The following SLC39A10 variants were observed in gnomAD, a reference collection of about 807,000 sequenced individuals.
SLC39A10 encodes zinc transporter ZIP10.
In SLC39A10, 13 loss-of-function variants were observed where a neutral mutation model predicts 65.1. The observed-to-expected ratio is 0.20, with a 90% CI of 0.13 to 0.32. The LOEUF (loss-of-function observed/expected upper bound fraction) is 0.32. SLC39A10 is among the 10% of genes least tolerant of loss of function. The pLI is 1.00. For missense variants in SLC39A10, 831 were observed against 1,018.4 expected (o/e 0.82, Z 2.50); for synonymous variants, 321 against 342.2 (o/e 0.94, Z 0.68).
Position 195,637,748 on chromosome 2 carries a change from G to A in SLC39A10, c.-12+31515G>A, listed in dbSNP as rs185374552. The stretch of plus-strand genomic sequence containing the variant: ...CATGTTGAGTTTAACATCCCTGAAG[G>A]TCTGCGTAGGTAGAAATGTCCACCA... On this transcript the variant is annotated intron_variant, in intron 2 of 2. Transcript: ENST00000458054. Among the ~76,000 whole-genome samples, 472 of 152,290 alleles carry A rather than the reference G, an allele frequency of 3.1e-3. 2 individuals are homozygous for A. Among genetic ancestry groups the A allele is most frequent in the African/African-American group, 0.011 (443 of 41,554 alleles).
intron 9 of SLC39A10, among the ~76,000 whole-genome samples, chr2:195,731,031 G>A (rs989712909): frequency 6.6e-6 from 1 of 152,040 alleles, no homozygotes; most frequent in Non-Finnish European, 1.5e-5. Flanking sequence ...TCCTTGCCCT[G>A]CCTTCCAACT....
chr2:195,684,614 CTCTTTTTTT>C (rs914265320), intron 3 of SLC39A10, among the ~76,000 whole-genome samples: 1 of 150,726 alleles, frequency 6.6e-6, no homozygotes, highest in Non-Finnish European at 1.5e-5. Flanking sequence ...CTTTCTTTTT[CTCTTTTTTT>C]TCTTTTCCTT....
At chr2:195,700,228 T>A (rs1374136397) in intron 3 of SLC39A10, among the ~76,000 whole-genome samples, 1 of 152,218 alleles carries the variant, frequency 6.6e-6, no homozygotes, top group Admixed American at 6.5e-5. Context: ...AAGTAATTAC[T>A]GATAAGGAAG....
chr2:195,670,831 A>G (rs1473776907), intron 1 of SLC39A10, among the ~76,000 whole-genome samples: 1 of 152,224 alleles, frequency 6.6e-6, no homozygotes, highest in Non-Finnish European at 1.5e-5. Context: ...CCCTTTGCGT[A>G]TTATTAAGTA....
At chr2:195,632,290 CTTTTTTTTTTTT>C (rs202193660) in intron 2 of SLC39A10, among the ~76,000 whole-genome samples, 1 of 69,224 alleles carries the variant, frequency 1.4e-5, no homozygotes, top group Non-Finnish European at 2.7e-5. Context: ...ATTCTACTTC[CTTTTTTTTTTTT>C]TTTTTTTTTT....
At chr2:195,727,306 C>T (rs1692278297) in intron 8 of SLC39A10, among the ~76,000 whole-genome samples, 1 of 152,144 alleles carries the variant, frequency 6.6e-6, no homozygotes, top group Non-Finnish European at 1.5e-5. Context: ...TGGATGATTT[C>T]ACAGTCACCA....
chr2:195,714,019 C>T (rs767360485), intron 6 of SLC39A10, among the ~76,000 whole-genome samples: 12 of 152,032 alleles, frequency 7.9e-5, no homozygotes, highest in African/African-American at 1.9e-4. Flanking sequence ...CTCCGCCTCC[C>T]GGGTTCATGC....
intron 2 of SLC39A10, among the ~76,000 whole-genome samples, chr2:195,642,049 A>G (rs750595951): frequency 1.1e-4 from 16 of 152,122 alleles, no homozygotes; most frequent in Non-Finnish European, 1.8e-4. Flanking sequence ...ATAATATGGG[A>G]GCAGATTAGG....
intron 8 of SLC39A10, among the ~76,000 whole-genome samples, chr2:195,720,530 G>A (rs1206259299): frequency 6.6e-6 from 1 of 152,204 alleles, no homozygotes; most frequent in African/African-American, 2.4e-5. Context: ...GCTATGAAAT[G>A]TCTGTCATTT....
At chr2:195,726,605 C>T (rs1000596255) in intron 8 of SLC39A10, among the ~76,000 whole-genome samples, 1 of 152,160 alleles carries the variant, frequency 6.6e-6, no homozygotes, top group African/African-American at 2.4e-5. Context: ...ACAATTACAA[C>T]TTAGAAACCA....
chr2:195,718,178 G>A lies in SLC39A10; in HGVS notation c.2066-74G>A. 5.8e-6 allele frequency: 7 copies of A among 1,203,140 alleles called. No homozygotes were observed. The Middle Eastern group carries it at 5.8e-4, about 100-fold the overall frequency. The allele number at this position is 1,203,140 out of a possible 1,614,324, so 74.5% of individuals were successfully genotyped here. On this transcript the variant is annotated intron_variant, in intron 7 of 9. Coordinates refer to ENST00000359634, the MANE Select transcript of SLC39A10 (RefSeq NM_020342.3). ...TTAATTTAGATAGGCAAAAGAAACTGCATCTGTCATTAATGAAAATGTGAA... is the reference window on the plus strand; with the variant it reads ...TTAATTTAGATAGGCAAAAGAAACTACATCTGTCATTAATGAAAATGTGAA...
At chr2:195,658,450 CTT>C (rs1689253751) in intron 1 of SLC39A10, 1 of 152,074 alleles carries the variant, frequency 6.6e-6, no homozygotes, top group Admixed American at 6.6e-5. Flanking sequence ...TTAAAAGAAA[CTT>C]TTATTTATGC....
At chr2:195,700,517 G>T (rs6706771) in intron 3 of SLC39A10, among the ~76,000 whole-genome samples, 108,240 of 151,944 alleles carry the variant, frequency 0.71, 38,640 homozygotes, top group Non-Finnish European at 0.73. Flanking sequence ...CAACTTCATC[G>T]CCACACCTTT....
chr2:195,657,766 C>T (rs1465381882), intron 1 of SLC39A10, among the ~76,000 whole-genome samples: 1 of 152,142 alleles, frequency 6.6e-6, no homozygotes, highest in Non-Finnish European at 1.5e-5. Context: ...GCTTGGCGAC[C>T]AGCGCCCCGG....
chr2:195,679,869 T>G (rs1690234481), intron 1 of SLC39A10, among the ~76,000 whole-genome samples, 163 bp from the exon 2 acceptor site: 1 of 152,222 alleles, frequency 6.6e-6, no homozygotes, highest in Non-Finnish European at 1.5e-5. Context: ...CTACCATTTG[T>G]GAATAATGAC....
At chr2:195,701,579 A>G (rs1691197121) in intron 3 of SLC39A10, among the ~76,000 whole-genome samples, 1 of 136,284 alleles carries the variant, frequency 7.3e-6, no homozygotes, top group African/African-American at 2.8e-5. Flanking sequence ...AGGGTTTGCT[A>G]TTTTCTTGTT....
intron 3 of SLC39A10, among the ~76,000 whole-genome samples, chr2:195,693,874 TTC>T (rs1248534445): frequency 6.6e-6 from 1 of 152,202 alleles, no homozygotes; most frequent in Non-Finnish European, 1.5e-5. Flanking sequence ...GCTTCACCAG[TTC>T]TGTGAGGTGT....
Position 195,669,689 on chromosome 2 carries a change from C to G in SLC39A10, c.-11-10343C>G, listed in dbSNP as rs1316543166. Among the ~76,000 whole-genome samples, 5 of 152,198 alleles carry G rather than the reference C, an allele frequency of 3.3e-5. No homozygotes were observed. In the Middle Eastern group the frequency reaches 0.01, roughly 311 times the overall value. On this transcript the variant is annotated intron_variant, in intron 1 of 9. Coordinates refer to ENST00000359634, the MANE Select transcript of SLC39A10 (RefSeq NM_020342.3). ...ATTTTACACATTTCAAAACTACAATCCAAAGCCTATAGTTAAGGTTTTTGT... is the reference window on the plus strand; with the variant it reads ...ATTTTACACATTTCAAAACTACAATGCAAAGCCTATAGTTAAGGTTTTTGT...
intron 1 of SLC39A10, among the ~76,000 whole-genome samples, chr2:195,669,418 C>T (rs1689761097): frequency 1.3e-5 from 2 of 152,144 alleles, no homozygotes; most frequent in East Asian, 1.9e-4. Flanking sequence ...AGCTTAATCA[C>T]GTTAGATACC....
Sources: allele counts gnomAD v4.1 joint callset (sites outside exome capture counted in the v4.1 genomes callset), GRCh38; gene constraint gnomAD v4.1.1; transcripts MANE v1.5; gene names NCBI Gene and HGNC (gene_info 2026-07-23, HGNC 2026-07-21).